TCF3: variants seen among roughly 807,000 people sequenced by gnomAD.
The protein encoded by TCF3 is transcription factor 3, also known as transcription factor E2-alpha.
TCF3 carries 54 observed loss-of-function variants against 72.3 expected under a neutral mutation model. The observed-to-expected ratio is 0.75, with a 90% CI of 0.60 to 0.94. TCF3 has a LOEUF of 0.94. Ranked by LOEUF, TCF3 falls within the 40% of genes least tolerant of loss-of-function variation. The pLI, the probability that TCF3 is intolerant of heterozygous loss-of-function variation, is 0.00. For synonymous variants in TCF3, 525 were observed against 412.6 expected (o/e 1.27, Z -3.30); for missense variants, 1,078 against 934.4 (o/e 1.15, Z -2.00).
intron 3 of TCF3, among the ~76,000 whole-genome samples, chr19:1,642,255 T>A (rs1039715097): frequency 4.9e-5 from 6 of 122,492 alleles, no homozygotes; most frequent in Non-Finnish European, 7.3e-5. Context: ...CACACACACG[T>A]GCGCACACAC....
rs2060899110 is a variant in TCF3 at position 1,610,386 on chromosome 19, C to T, written c.*1321G>A. 4.3e-6 allele frequency: 1 copy of T among 230,186 alleles called. No individual in the cohort carries two copies. Among genetic ancestry groups the T allele is most frequent in the Non-Finnish European group, 8.6e-6 (1 of 116,236 alleles). 14.3% of individuals were successfully genotyped at this position (230,186 alleles called of 1,614,324 possible). ...GGCCAGGCCCCTGGCATCCTGTCTA[C>T]GTCACGATGGCCCTCTGGTGTAATG... is the stretch of plus-strand genomic sequence containing the variant. On this transcript the variant is annotated 3_prime_UTR_variant, in exon 19 of 19. Transcript: ENST00000262965.
chr19:1,621,078 AG>A, intron 12 of TCF3, 32 bp from the exon 13 acceptor site: 2 of 1,518,808 alleles, frequency 1.3e-6, no homozygotes, highest in Non-Finnish European at 1.8e-6. Flanking sequence ...ATGGGCGGTC[AG>A]GGGCCGGCCT....
At chr19:1,632,498 ACC>A (rs985776297) in intron 3 of TCF3, 93 bp from the exon 4 acceptor site, 8 of 1,357,908 alleles carry the variant, frequency 5.9e-6, no homozygotes, top group African/African-American at 1.5e-5. Context: ...ACCTCAGTGG[ACC>A]CGGGGGGCTT....
At position 1,622,423 on chromosome 19, in the gene TCF3, C is replaced by T. The variant is rs750644305; in HGVS notation, c.550-8G>A. 30 of 429,096 alleles carry T rather than the reference C, an allele frequency of 7.0e-5. No individual in the cohort carries two copies. Among genetic ancestry groups the T allele is most frequent in the African/African-American group, 1.3e-4 (6 of 46,294 alleles). 26.6% of individuals were successfully genotyped at this position (429,096 alleles called of 1,614,324 possible). On this transcript the variant is annotated splice_region_variant and splice_polypyrimidine_tract_variant and intron_variant, in intron 8 of 18. Transcript: ENST00000262965. ...TGAGCTGGGTGGGTACACCTGCGGG[C>T]GGGTGGGCGGTGGGGGGTGCAGTCA...
chr19:1,611,590 T>C lies in TCF3; in HGVS notation c.*117A>G, dbSNP rs1229922256. ...CCTTGTCAGGTTGGTGTTGGCTCGA[T>C]GCTGACAACAGGTGTGTGAGGTGTG... On this transcript the variant is annotated 3_prime_UTR_variant, in exon 19 of 19. Transcript: ENST00000262965. 6.4e-6 allele frequency: 9 copies of C among 1,397,628 alleles called. No individual in the cohort carries two copies. The East Asian group carries it at 2.0e-4, about 30-fold the overall frequency. 86.6% of individuals were successfully genotyped at this position (1,397,628 alleles called of 1,614,324 possible).
In TCF3 at chr19:1,614,514, G is replaced by A. The variant is rs2061354312; in HGVS notation, c.1822+771C>T. ...CAGCAGAGAGGCGGGCTTGGGGGGC[G>A]CGAGGCGTGCCACACACGGCTGCAG... On this transcript the variant is annotated intron_variant, in intron 18 of 18. Coordinates refer to ENST00000262965, the MANE Select transcript of TCF3 (RefSeq NM_003200.5). This position sits in a 1 kb window ranked among gnomAD's most constrained non-coding sequence, Gnocchi z 5.6. 6.6e-6 allele frequency among the ~76,000 whole-genome samples: 1 copy of A among 152,138 alleles called. No homozygotes were observed. The highest frequency in any genetic ancestry group is 2.4e-5 in the African/African-American group (1 of 41,444).
chr19:1,626,884 T>C (rs568222935), intron 6 of TCF3, among the ~76,000 whole-genome samples: 1 of 149,444 alleles, frequency 6.7e-6, no homozygotes, highest in Non-Finnish European at 1.5e-5. Flanking sequence ...GGGACAGAGA[T>C]GAAGTCCTGG....
chr19:1,614,648 C>T lies in TCF3; in HGVS notation c.1822+637G>A, dbSNP rs149276829. ...AGAGAAAGGGTTAACGGGGTGCAGGCGAGGAAAGGAAGGAGTTAAGGAAGC... is the reference window on the plus strand; with the variant it reads ...AGAGAAAGGGTTAACGGGGTGCAGGTGAGGAAAGGAAGGAGTTAAGGAAGC... On this transcript the variant is annotated intron_variant, in intron 18 of 18. Coordinates refer to ENST00000262965, the MANE Select transcript of TCF3 (RefSeq NM_003200.5). The surrounding 1 kb of genome is among the most constrained non-coding windows in gnomAD (Gnocchi z 5.6). Among the ~76,000 whole-genome samples, 7 of 152,064 alleles carry T rather than the reference C, an allele frequency of 4.6e-5. No homozygotes were observed. The highest frequency in any genetic ancestry group is 1.2e-4 in the African/African-American group (5 of 41,478).
In TCF3 at chr19:1,615,142, G is replaced by T; in HGVS notation, c.1822+143C>A. 1.0e-6 allele frequency: 1 copy of T among 1,000,090 alleles called. No individual in the cohort carries two copies. Among genetic ancestry groups the T allele is most frequent in the Non-Finnish European group, 1.4e-6 (1 of 700,312 alleles). 62.0% of individuals were successfully genotyped at this position (1,000,090 alleles called of 1,614,324 possible). On this transcript the variant is annotated intron_variant, in intron 18 of 18. Transcript: ENST00000262965. This position sits in a 1 kb window ranked among gnomAD's most constrained non-coding sequence, Gnocchi z 7.3. ...CAGTCATGGCAATGCGGTCAGAGGG[G>T]TGAAGGGCACAGTCACTGCAAGGAG...
Position 1,615,282 on chromosome 19 carries a change from G to A in TCF3, c.1822+3C>T, listed in dbSNP as rs1235533713. The A allele has an allele frequency of 6.9e-6, 11 of 1,586,586 alleles. No individual in the cohort carries two copies. Among genetic ancestry groups the A allele is most frequent in the Non-Finnish European group, 9.5e-6 (11 of 1,161,082 alleles). On this transcript the variant is annotated splice_donor_region_variant and intron_variant, in intron 18 of 18. Transcript: ENST00000262965. The surrounding 1 kb of genome is among the most constrained non-coding windows in gnomAD (Gnocchi z 7.3). Reference sequence around the variant, plus strand: ...GACGCTGGTGGCCCGCGCCCCCACTGACCTCGCACTTGCTGCTCCAAGTTC... The same window carrying A: ...GACGCTGGTGGCCCGCGCCCCCACTAACCTCGCACTTGCTGCTCCAAGTTC...
chr19:1,632,567 C>T (rs1394362344), intron 3 of TCF3, among the ~76,000 whole-genome samples, 162 bp from the exon 4 acceptor site: 4 of 152,176 alleles, frequency 2.6e-5, no homozygotes, highest in African/African-American at 4.8e-5. Flanking sequence ...CACCAGTCAG[C>T]AGCTAACACC....
At chr19:1,612,264 G>A (rs772716485) in intron 18 of TCF3, 2 of 1,612,018 alleles carry the variant, frequency 1.2e-6, no homozygotes, top group Non-Finnish European at 1.7e-6. Context: ...AGGATGAGCA[G>A]CTTGGTCTGC....
rs759447852 is a variant in TCF3, at chr19:1,609,574, G to A, written c.*2133C>T. 1.8e-5 allele frequency: 4 copies of A among 222,168 alleles called. No individual in the cohort carries two copies. The highest frequency in any genetic ancestry group is 1.3e-3 in the Middle Eastern group (1 of 752). The allele number at this position is 222,168 out of a possible 1,614,324, so 13.8% of individuals were successfully genotyped here. On this transcript the variant is annotated 3_prime_UTR_variant, in exon 19 of 19. Transcript: ENST00000262965. The stretch of plus-strand genomic sequence containing the variant: ...CTATGCAGAACGCACAGTTCCAGAG[G>A]CTATGGGGCCACTGCCCACCCAGAC...
At chr19:1,650,464 T>C (rs553891388) in intron 1 of TCF3, 177 bp from the exon 2 acceptor site, 1 of 573,802 alleles carries the variant, frequency 1.7e-6, no homozygotes, top group African/African-American at 1.9e-5. Flanking sequence ...GCAGGGAAGC[T>C]GGAATTCCAG....
At chr19:1,647,906 C>G (rs1051983145) in intron 2 of TCF3, among the ~76,000 whole-genome samples, 2 of 152,304 alleles carry the variant, frequency 1.3e-5, no homozygotes, top group African/African-American at 2.4e-5. Flanking sequence ...GTGGTGAAAC[C>G]CAAAAGCCCA....
rs866686373 is a variant in TCF3, at chr19:1,632,127, T to G, written c.220-11A>C. On this transcript the variant is annotated splice_polypyrimidine_tract_variant and intron_variant, in intron 4 of 18. Coordinates refer to ENST00000262965, the MANE Select transcript of TCF3 (RefSeq NM_003200.5). ...GCCCTCGCTGAAGGTCTAGGGGAGA[T>G]GGGGTGGGGATGAGAGGTGCTGGGG... 5.0e-6 allele frequency: 8 copies of G among 1,611,640 alleles called. No individual in the cohort carries two copies. The African/African-American group carries it at 1.1e-4, about 22-fold the overall frequency.
chr19:1,621,752 C>G, intron 11 of TCF3, 86 bp downstream of exon 11: 2 of 1,444,230 alleles, frequency 1.4e-6, no homozygotes, highest in Non-Finnish European at 1.8e-6. Flanking sequence ...CTGCGCCTCC[C>G]GTGGAGTCCT....
At chr19:1,648,538 G>A (rs1251273374) in intron 2 of TCF3, among the ~76,000 whole-genome samples, 1 of 152,176 alleles carries the variant, frequency 6.6e-6, no homozygotes, top group East Asian at 1.9e-4. Flanking sequence ...TCTGTGACTT[G>A]TCAGTTTAAC....
At chr19:1,624,623 T>C (rs1275150779) in intron 7 of TCF3, among the ~76,000 whole-genome samples, 7 of 152,202 alleles carry the variant, frequency 4.6e-5, no homozygotes, top group Non-Finnish European at 8.8e-5. Flanking sequence ...TAGGGGCTGC[T>C]GTTTGCAAAC....
Sources: gnomAD v4.1 joint callset for allele counts (sites outside exome capture counted in the v4.1 genomes callset) on GRCh38, gnomAD v4.1.1 for gene constraint, Gnocchi (gnomAD v3.1) non-coding constraint, MANE v1.5 for transcripts, NCBI Gene and HGNC (gene_info 2026-07-23, HGNC 2026-07-21) for gene names.